KAZN: variants seen among roughly 807,000 people sequenced by gnomAD.
The protein encoded by KAZN is kazrin, periplakin interacting protein.
In KAZN, 40 loss-of-function variants were observed where a neutral mutation model predicts 87.4. The observed-to-expected ratio is 0.46, with a 90% CI of 0.36 to 0.60. KAZN has a LOEUF of 0.60. KAZN is among the 20% of genes least tolerant of loss of function. The pLI, the probability that KAZN is intolerant of heterozygous loss-of-function variation, is 0.00. For synonymous variants in KAZN, 466 were observed against 458.3 expected, an observed-to-expected ratio of 1.02 and a Z score of -0.22; for missense variants, 898 against 1,073.9, an observed-to-expected ratio of 0.84 and a Z score of 2.29.
chr1:14,162,913 A>G (rs1026006202), intron 1 of KAZN, among the ~76,000 whole-genome samples: 1 of 152,092 alleles, frequency 6.6e-6, no homozygotes, highest in African/African-American at 2.4e-5. Context: ...ACCATTTCCT[A>G]ATTTTAGTCC....
At chr1:14,901,294 A>G (rs1025043713) in intron 1 of KAZN, among the ~76,000 whole-genome samples, 1 of 152,218 alleles carries the variant, frequency 6.6e-6, no homozygotes, top group African/African-American at 2.4e-5. Context: ...GGTGGGAAGC[A>G]GCTTAGCTTA....
chr1:14,897,869 C>T (rs564027838), intron 1 of KAZN, among the ~76,000 whole-genome samples: 55 of 152,318 alleles, frequency 3.6e-4, no homozygotes, highest in African/African-American at 1.2e-3. Flanking sequence ...CTCAGAACCG[C>T]TTGCTGAAAC....
chr1:14,226,162 C>T (rs565264035), intron 2 of KAZN, among the ~76,000 whole-genome samples: 11 of 152,202 alleles, frequency 7.2e-5, no homozygotes, highest in East Asian at 5.8e-4. Context: ...ATGCATCTGA[C>T]GAAGGTCGAA....
rs980916773 is a variant in KAZN, at chr1:14,996,603, G to A, written c.418+35728G>A. 2.6e-5 allele frequency among the ~76,000 whole-genome samples: 4 copies of A among 152,166 alleles called. No individual in the cohort carries two copies. The highest frequency in any genetic ancestry group is 6.5e-5 in the Admixed American group (1 of 15,278). On this transcript the variant is annotated intron_variant, in intron 2 of 14. Coordinates refer to ENST00000376030, the MANE Select transcript of KAZN (RefSeq NM_201628.3). This position sits in a 1 kb window ranked among gnomAD's most constrained non-coding sequence, Gnocchi z 5.9. ...AGGCTTATGGCAACGCGTTTCTGCCGCCAGCACCCTCCCACGGGCGTGCAG... is the reference window on the plus strand; with the variant it reads ...AGGCTTATGGCAACGCGTTTCTGCCACCAGCACCCTCCCACGGGCGTGCAG...
At chr1:14,232,165 T>C (rs1647920585) in intron 2 of KAZN, among the ~76,000 whole-genome samples, 1 of 152,120 alleles carries the variant, frequency 6.6e-6, no homozygotes, top group African/African-American at 2.4e-5. Context: ...CTCTCAGCAG[T>C]ATTAGATGAT....
chr1:14,164,136 C>T (rs980371753), intron 1 of KAZN, among the ~76,000 whole-genome samples: 6 of 152,188 alleles, frequency 3.9e-5, no homozygotes, highest in Non-Finnish European at 8.8e-5. Context: ...AAATTACCTC[C>T]AATGCCTTTG....
intron 6 of KAZN, chr1:15,063,351 G>C: frequency 1.7e-6 from 1 of 583,156 alleles, no homozygotes; most frequent in South Asian, 2.0e-5. Context: ...GACTGGGCAG[G>C]AGAGGACCCC....
chr1:14,027,216 T>G (rs1641116616), intron 1 of KAZN, among the ~76,000 whole-genome samples: 1 of 152,124 alleles, frequency 6.6e-6, no homozygotes, highest in Admixed American at 6.6e-5. Context: ...AAGCACCGCT[T>G]GGTTCTCGTT....
chr1:14,049,417 G>A (rs918498676), intron 1 of KAZN, among the ~76,000 whole-genome samples: 1 of 152,196 alleles, frequency 6.6e-6, no homozygotes, highest in Non-Finnish European at 1.5e-5. Flanking sequence ...ATATACATAT[G>A]TAACTAACCT....
chr1:14,076,565 G>A (rs2101575724), intron 1 of KAZN, among the ~76,000 whole-genome samples: 1 of 152,276 alleles, frequency 6.6e-6, no homozygotes, highest in South Asian at 2.1e-4. Flanking sequence ...TTGGTTAGGA[G>A]AACCCTAGCA....
intron 2 of KAZN, among the ~76,000 whole-genome samples, chr1:14,308,918 G>A (rs1655106318): frequency 6.6e-6 from 1 of 152,162 alleles, no homozygotes. Flanking sequence ...TATTAGATTT[G>A]GAAGCCAGTT....
At chr1:14,013,116 C>T (rs906199438) in intron 1 of KAZN, among the ~76,000 whole-genome samples, 7 of 152,142 alleles carry the variant, frequency 4.6e-5, no homozygotes, top group African/African-American at 1.7e-4. Flanking sequence ...TCCACTTTTC[C>T]GGAACCTGCA....
intron 11 of KAZN, 54 bp from the exon 12 acceptor site, chr1:15,103,305 G>T: frequency 7.4e-7 from 1 of 1,347,006 alleles, no homozygotes; most frequent in Admixed American, 2.0e-5. Context: ...CACTCCACAC[G>T]TGGCCTCTGC....
chr1:14,375,756 C>T (rs541114736), intron 2 of KAZN, among the ~76,000 whole-genome samples: 15 of 152,118 alleles, frequency 9.9e-5, no homozygotes, highest in East Asian at 1.9e-4. Flanking sequence ...GGTGTGGTGG[C>T]GGGTGCCTGT....
chr1:14,852,905 G>A (rs1649631926), intron 1 of KAZN, among the ~76,000 whole-genome samples: 1 of 152,190 alleles, frequency 6.6e-6, no homozygotes, highest in African/African-American at 2.4e-5. Flanking sequence ...CAGACCTGCT[G>A]AATCCAAATC....
chr1:14,909,617 G>A (rs114122152), intron 1 of KAZN, among the ~76,000 whole-genome samples: 595 of 152,308 alleles, frequency 3.9e-3, no homozygotes, highest in African/African-American at 0.014. Context: ...CAGAGACTCT[G>A]CAGTGCACCC....
intron 2 of KAZN, among the ~76,000 whole-genome samples, chr1:14,397,408 TG>T (rs1275957993): frequency 6.6e-6 from 1 of 152,198 alleles, no homozygotes; most frequent in African/African-American, 2.4e-5. Context: ...TTCTTTTTCA[TG>T]TAAGGACACC....
chr1:14,027,434 AT>A (rs1321443811), intron 1 of KAZN, among the ~76,000 whole-genome samples: 1 of 152,140 alleles, frequency 6.6e-6, no homozygotes, highest in Non-Finnish European at 1.5e-5. Context: ...TAAATTAAAC[AT>A]ATTAATTTCA....
intron 2 of KAZN, among the ~76,000 whole-genome samples, chr1:14,964,505 C>T (rs1385522053): frequency 6.6e-6 from 1 of 152,162 alleles, no homozygotes; most frequent in African/African-American, 2.4e-5. Context: ...CCACGAGCAT[C>T]CTGCCTGGAA....
Sources: gnomAD v4.1 joint callset for allele counts (sites outside exome capture counted in the v4.1 genomes callset) on GRCh38, gnomAD v4.1.1 for gene constraint, Gnocchi (gnomAD v3.1) non-coding constraint, MANE v1.5 for transcripts, NCBI Gene and HGNC (gene_info 2026-07-23, HGNC 2026-07-21) for gene names.